PPP1R16B: variants seen among roughly 807,000 people sequenced by gnomAD.
The protein encoded by PPP1R16B is protein phosphatase 1 regulatory inhibitor subunit 16B.
A neutral mutation model predicts 61.7 loss-of-function variants in PPP1R16B; 14 were observed. The observed-to-expected ratio is 0.23, with a 90% CI of 0.15 to 0.35. The LOEUF (loss-of-function observed/expected upper bound fraction) is 0.35, where lower values mean the gene tolerates loss of function less well. Among genes scored for constraint, PPP1R16B ranks in the 10% least tolerant of loss-of-function variants. PPP1R16B has a pLI of 1.00. For synonymous variants in PPP1R16B, 266 were observed against 305.3 expected, an observed-to-expected ratio of 0.87 and a Z score of 1.34; for missense variants, 547 against 752.5, an observed-to-expected ratio of 0.73 and a Z score of 3.19.
intron 2 of PPP1R16B, among the ~76,000 whole-genome samples, chr20:38,838,866 C>A (rs1348204277): frequency 1.3e-5 from 2 of 152,212 alleles, no homozygotes; most frequent in African/African-American, 4.8e-5. Flanking sequence ...GATCAGTGCC[C>A]CGCAGCCCTG....
rs374511267 is a variant in PPP1R16B, at chr20:38,806,928, C to G, written c.-102+1136C>G. On this transcript the variant is annotated intron_variant, in intron 1 of 10. Coordinates refer to ENST00000299824, the MANE Select transcript of PPP1R16B (RefSeq NM_015568.4). This position sits in a 1 kb window ranked among gnomAD's most constrained non-coding sequence, Gnocchi z 4.5. ...TGGCTTCATCAGCGCTTCTAGGAACCGAAAACCGAGCTGCCTGCGCGCCCA... is the reference window on the plus strand; with the variant it reads ...TGGCTTCATCAGCGCTTCTAGGAACGGAAAACCGAGCTGCCTGCGCGCCCA... 6.6e-6 allele frequency among the ~76,000 whole-genome samples: 1 copy of G among 152,154 alleles called. No homozygotes were observed. Among genetic ancestry groups the G allele is most frequent in the Admixed American group, 6.5e-5 (1 of 15,278 alleles).
At chr20:38,888,689 T>C (rs2085265338) in intron 2 of PPP1R16B, among the ~76,000 whole-genome samples, 1 of 151,946 alleles carries the variant, frequency 6.6e-6, no homozygotes, top group South Asian at 2.1e-4. Context: ...GCAGGGCTGG[T>C]GGGTGAGCTC....
In PPP1R16B at chr20:38,907,739, C is replaced by T. The variant is rs2085455521; in HGVS notation, c.899-67C>T. ...GGGTTGGGGTGGCAGCTCCTCTGGT[C>T]TGGAGCACCCTCTTGCGCCACAGGT... On this transcript the variant is annotated intron_variant, in intron 8 of 10. Coordinates refer to ENST00000299824, the MANE Select transcript of PPP1R16B (RefSeq NM_015568.4). This position sits in a 1 kb window ranked among gnomAD's most constrained non-coding sequence, Gnocchi z 4.5. The T allele has an allele frequency of 6.3e-7, 1 of 1,575,812 alleles. No homozygotes were observed. Among genetic ancestry groups the T allele is most frequent in the African/African-American group, 1.3e-5 (1 of 74,132 alleles).
rs2085576439 is a variant in PPP1R16B at position 38,919,730 on chromosome 20, C to T, written c.*1064C>T. ...AGTCGCTAGTTAACAGCGACAGAGCCCAGCACCCTGGGGTCTTTGTGAATA... is the reference window on the plus strand; with the variant it reads ...AGTCGCTAGTTAACAGCGACAGAGCTCAGCACCCTGGGGTCTTTGTGAATA... On this transcript the variant is annotated 3_prime_UTR_variant, in exon 11 of 11. Transcript: ENST00000299824. 1 of 152,140 alleles carries T rather than the reference C, an allele frequency of 6.6e-6. No individual in the cohort carries two copies. The highest frequency in any genetic ancestry group is 2.4e-5 in the African/African-American group (1 of 41,428). The allele number at this position is 152,140 out of a possible 1,614,324, so 9.4% of individuals were successfully genotyped here. A position where few individuals can be genotyped will look rare whatever the true frequency, so the allele number is the denominator to read the frequency against.
At chr20:38,911,340 G>A (rs542833477) in intron 10 of PPP1R16B, among the ~76,000 whole-genome samples, 31 of 145,546 alleles carry the variant, frequency 2.1e-4, no homozygotes, top group African/African-American at 7.6e-4. Flanking sequence ...CTAATTTTTT[G>A]TATTTTCAGT....
intron 3 of PPP1R16B, among the ~76,000 whole-genome samples, chr20:38,895,216 GC>G (rs2085325242): frequency 6.6e-6 from 1 of 151,882 alleles, no homozygotes; most frequent in Non-Finnish European, 1.5e-5. Context: ...TTTGGAGAAA[GC>G]CTTTTGGGAT....
intron 10 of PPP1R16B, among the ~76,000 whole-genome samples, chr20:38,910,761 G>A (rs1040920026): frequency 1.3e-5 from 2 of 152,118 alleles, no homozygotes; most frequent in African/African-American, 4.8e-5. Flanking sequence ...ACTTTGGGAG[G>A]CCGAGGTGGG....
intron 2 of PPP1R16B, among the ~76,000 whole-genome samples, chr20:38,867,928 C>T (rs1787762775): frequency 6.6e-6 from 1 of 152,220 alleles, no homozygotes; most frequent in Admixed American, 6.5e-5. Flanking sequence ...CCATCTTGGC[C>T]TCCCTAAGTG....
rs572097337 is a variant in PPP1R16B, at chr20:38,830,213, A to T, written c.-101-5612A>T. Among the ~76,000 whole-genome samples the T allele has an allele frequency of 7.2e-5, 11 of 152,316 alleles. No individual in the cohort carries two copies. In the East Asian group the frequency reaches 2.1e-3, roughly 29 times the overall value. ...TCCCATGTGTCTGTGCCATCCATCC[A>T]CTGCACAGGGACTGTGTCTGCCTTT... On this transcript the variant is annotated intron_variant, in intron 1 of 10. Transcript: ENST00000299824.
Position 38,895,708 on chromosome 20 carries a change from G to T in PPP1R16B, c.465G>T (p.Gln155His). 6.2e-7 allele frequency: 1 copy of T among 1,613,916 alleles called. No individual in the cohort carries two copies. The highest frequency in any genetic ancestry group is 1.1e-5 in the South Asian group (1 of 91,078). Residue 155 changes from glutamine (Q) to histidine (H), a missense_variant and splice_region_variant, in exon 4 of 11, where the codon CAG becomes CAT. Gln to His is a conservative substitution (Grantham distance 24). Coordinates refer to ENST00000299824, the MANE Select transcript of PPP1R16B (RefSeq NM_015568.4). ...TCAACCTGGTGAAGATCCTCGTTCA[G>T]TAGTACGTGCCCCTCCCTGCCCCAG... ...GHINLVKILV[Q>H]YGADLLAVNS...
intron 2 of PPP1R16B, among the ~76,000 whole-genome samples, chr20:38,839,698 T>C (rs63404361): frequency 4.9e-5 from 7 of 143,178 alleles, no homozygotes; most frequent in African/African-American, 7.8e-5. Context: ...TTTTTTTTTT[T>C]CCCATCCAAC....
chr20:38,834,766 ATATAT>A (rs1399448939), intron 1 of PPP1R16B, among the ~76,000 whole-genome samples: 3 of 152,264 alleles, frequency 2.0e-5, no homozygotes, highest in Non-Finnish European at 2.9e-5. Flanking sequence ...TAAACCCATG[ATATAT>A]TATAACAATA....
intron 6 of PPP1R16B, 53 bp from the exon 7 acceptor site, chr20:38,905,916 G>C (rs112527300): frequency 6.4e-7 from 1 of 1,569,006 alleles, no homozygotes; most frequent in Non-Finnish European, 8.7e-7. Flanking sequence ...CTAGCCTACC[G>C]TCAATGTGGG....
At chr20:38,904,936 T>C (rs977032571) in intron 6 of PPP1R16B, among the ~76,000 whole-genome samples, 2 of 152,210 alleles carry the variant, frequency 1.3e-5, no homozygotes, top group African/African-American at 4.8e-5. Context: ...GGTCATCATT[T>C]AGGACTCTCT....
chr20:38,909,623 C>G (rs1409105062), intron 10 of PPP1R16B, among the ~76,000 whole-genome samples: 1 of 152,206 alleles, frequency 6.6e-6, no homozygotes, highest in Non-Finnish European at 1.5e-5. Flanking sequence ...CAGATGAAAA[C>G]ATGCCTAGAG....
intron 2 of PPP1R16B, chr20:38,838,078 C>G (rs1463136855): frequency 1.3e-5 from 2 of 152,212 alleles, no homozygotes; most frequent in Admixed American, 6.5e-5. Flanking sequence ...CTTGTCACTG[C>G]CCTCATGGCC....
intron 4 of PPP1R16B, among the ~76,000 whole-genome samples, chr20:38,899,362 G>A (rs1047379637): frequency 1.3e-5 from 2 of 152,202 alleles, no homozygotes; most frequent in African/African-American, 4.8e-5. Context: ...TGCCAGCCTG[G>A]GTCAGTGGGT....
In PPP1R16B at chr20:38,896,607, A is replaced by C. The variant is rs144463796; in HGVS notation, c.467+897A>C. Among the ~76,000 whole-genome samples the C allele has an allele frequency of 4.1e-3, 624 of 152,188 alleles. 3 individuals carry two copies. Among genetic ancestry groups the C allele is most frequent in the African/African-American group, 0.011 (445 of 41,520 alleles). On this transcript the variant is annotated intron_variant, in intron 4 of 10. Transcript: ENST00000299824. ...TTTCCCCCCAATTTTTTATAGTGAT[A>C]AAACACATATAACATAAAATACCAT... is the stretch of plus-strand genomic sequence containing the variant.
At chr20:38,864,763 G>A (rs746864568) in intron 2 of PPP1R16B, among the ~76,000 whole-genome samples, 4 of 152,156 alleles carry the variant, frequency 2.6e-5, no homozygotes, top group Non-Finnish European at 5.9e-5. Flanking sequence ...AGGGTGTAGG[G>A]CCTAGGTACC....
Sources: allele counts gnomAD v4.1 joint callset (sites outside exome capture counted in the v4.1 genomes callset), GRCh38; gene constraint gnomAD v4.1.1; non-coding constraint Gnocchi (gnomAD v3.1); transcripts MANE v1.5; gene names NCBI Gene and HGNC (gene_info 2026-07-23, HGNC 2026-07-21).